MED13L: variants seen among roughly 807,000 people sequenced by gnomAD.
MED13L encodes the protein mediator of RNA polymerase II transcription subunit 13-like.
MED13L carries 7 observed loss-of-function variants against 220.9 expected under a neutral mutation model. That is an observed-to-expected ratio of 0.03 (90% CI 0.02 to 0.06). MED13L has a LOEUF of 0.06. Among genes scored for constraint, MED13L ranks in the 10% least tolerant of loss-of-function variants. MED13L has a pLI of 1.00. For missense variants in MED13L, 1,965 were observed against 2,760.5 expected (o/e 0.71, Z 6.46); for synonymous variants, 1,011 against 1,015.2 (o/e 1.00, Z 0.08).
chr12:116,111,911 G>A (rs563071554), intron 2 of MED13L, among the ~76,000 whole-genome samples: 6 of 152,204 alleles, frequency 3.9e-5, no homozygotes, highest in African/African-American at 1.2e-4. Context: ...GTTATAAAAT[G>A]TTTTTTAGAG....
At chr12:116,138,372 A>C (rs2138036499) in intron 2 of MED13L, among the ~76,000 whole-genome samples, 1 of 152,340 alleles carries the variant, frequency 6.6e-6, no homozygotes, top group African/African-American at 2.4e-5. Flanking sequence ...GGAGTACAGG[A>C]CAGGGAAGGG....
chr12:116,230,861 G>C (rs1333397851), intron 2 of MED13L, among the ~76,000 whole-genome samples: 2 of 152,110 alleles, frequency 1.3e-5, no homozygotes, highest in African/African-American at 4.8e-5. Flanking sequence ...AAAATCAATT[G>C]AAAGTTCACA....
intron 1 of MED13L, among the ~76,000 whole-genome samples, chr12:116,238,607 G>A (rs564120171): frequency 2.6e-5 from 4 of 152,066 alleles, no homozygotes; most frequent in African/African-American, 9.7e-5. Context: ...CCTTACTCAC[G>A]CATCTCCTTC....
chr12:116,064,400 C>T (rs772869638), intron 4 of MED13L, among the ~76,000 whole-genome samples: 11 of 152,082 alleles, frequency 7.2e-5, no homozygotes, highest in Non-Finnish European at 1.5e-4. Context: ...TATTTTCAAT[C>T]TGTGGTTGGT....
chr12:116,220,182 T>C (rs1883227257), intron 2 of MED13L, among the ~76,000 whole-genome samples: 1 of 152,328 alleles, frequency 6.6e-6, no homozygotes, highest in Middle Eastern at 3.4e-3. Flanking sequence ...AAGCTGTTAA[T>C]GCCATTATAA....
intron 4 of MED13L, among the ~76,000 whole-genome samples, chr12:116,096,064 A>T (rs1263754824): frequency 1.3e-5 from 2 of 152,018 alleles, no homozygotes; most frequent in African/African-American, 4.8e-5. Context: ...TTAAAAAATC[A>T]ATGATGAGGC....
chr12:116,089,931 A>G (rs1446535297), intron 4 of MED13L, among the ~76,000 whole-genome samples: 3 of 152,186 alleles, frequency 2.0e-5, no homozygotes, highest in Admixed American at 1.3e-4. Flanking sequence ...AAAGCAGAGG[A>G]TAAGACATTC....
At chr12:116,053,454 G>A (rs576499929) in intron 4 of MED13L, among the ~76,000 whole-genome samples, 132 of 152,256 alleles carry the variant, frequency 8.7e-4, no homozygotes, top group African/African-American at 3.1e-3. Context: ...TTTAGGATTC[G>A]GATAATATGA....
chr12:116,122,828 G>T (rs912383811), intron 2 of MED13L, among the ~76,000 whole-genome samples: 5 of 152,102 alleles, frequency 3.3e-5, no homozygotes, highest in African/African-American at 1.2e-4. Context: ...GCATTTCAAT[G>T]GATCACAAGA....
intron 1 of MED13L, among the ~76,000 whole-genome samples, chr12:116,274,308 T>C (rs997476244): frequency 4.0e-5 from 6 of 151,638 alleles, no homozygotes; most frequent in African/African-American, 1.5e-4. Context: ...CTCAAGGTAA[T>C]GGAAACTGGG....
At chr12:116,210,495 C>T (rs923956025) in intron 2 of MED13L, among the ~76,000 whole-genome samples, 2 of 147,636 alleles carry the variant, frequency 1.4e-5, no homozygotes, top group Non-Finnish European at 3.0e-5. Flanking sequence ...CTGTTTAACA[C>T]CTCCCTAAAA....
chr12:116,006,208 TC>T (rs1879037162), intron 12 of MED13L, 97 bp downstream of exon 12: 3 of 1,287,040 alleles, frequency 2.3e-6, no homozygotes, highest in Non-Finnish European at 3.3e-6. Context: ...GAGATGAAAT[TC>T]TTATTACAAT....
chr12:116,127,666 T>C (rs1019252352), intron 2 of MED13L, among the ~76,000 whole-genome samples: 6 of 152,142 alleles, frequency 3.9e-5, no homozygotes, highest in Admixed American at 1.3e-4. Context: ...AGTACAGAAA[T>C]TGTCATCCCG....
chr12:116,022,777 A>T (rs2137448143), intron 4 of MED13L, among the ~76,000 whole-genome samples, 176 bp from the exon 5 acceptor site: 2 of 152,336 alleles, frequency 1.3e-5, no homozygotes, highest in Middle Eastern at 6.8e-3. Context: ...CCATCAGATA[A>T]ATCTGGAAAT....
intron 4 of MED13L, among the ~76,000 whole-genome samples, chr12:116,093,892 TTCTC>T (rs1225449838): frequency 2.0e-5 from 3 of 152,200 alleles, no homozygotes; most frequent in Non-Finnish European, 2.9e-5. Flanking sequence ...TTTAATTCAT[TTCTC>T]TCTCTCAACT....
chr12:116,060,053 T>G (rs535142695), intron 4 of MED13L, among the ~76,000 whole-genome samples: 4 of 152,170 alleles, frequency 2.6e-5, no homozygotes, highest in African/African-American at 9.6e-5. Context: ...ATACTAGAGG[T>G]GCAGTATGCA....
At position 116,017,423 on chromosome 12, in the gene MED13L, A is replaced by G. The variant is rs573145066; in HGVS notation, c.1009+1801T>C. Reference sequence around the variant, plus strand: ...AACTTAATGTAGTGCAATTGTTAAAAATCCAAATTGTGATGTGAAATTAAA... The same window carrying G: ...AACTTAATGTAGTGCAATTGTTAAAGATCCAAATTGTGATGTGAAATTAAA... On this transcript the variant is annotated intron_variant, in intron 7 of 30. Transcript: ENST00000281928. Among the ~76,000 whole-genome samples, 4 of 152,370 alleles carry G rather than the reference A, an allele frequency of 2.6e-5. No individual in the cohort carries two copies. The South Asian group carries it at 8.3e-4, about 32-fold the overall frequency.
intron 14 of MED13L, among the ~76,000 whole-genome samples, chr12:115,997,686 C>A (rs903967858): frequency 1.6e-4 from 25 of 152,304 alleles, no homozygotes; most frequent in African/African-American, 6.0e-4. Context: ...ACTCCCCAAG[C>A]GCTGGGATGG....
chr12:116,022,670 C>T (rs1242052454), intron 4 of MED13L, 69 bp from the exon 5 acceptor site: 2 of 1,501,472 alleles, frequency 1.3e-6, no homozygotes, highest in African/African-American at 2.8e-5. Context: ...ACAGGAACTA[C>T]AGGTAAGATA....
Sources: allele counts gnomAD v4.1 joint callset (sites outside exome capture counted in the v4.1 genomes callset), GRCh38; gene constraint gnomAD v4.1.1; transcripts MANE v1.5; gene names NCBI Gene and HGNC (gene_info 2026-07-23, HGNC 2026-07-21).